Variants in CD2AP observed in about 807,000 individuals in gnomAD.
CD2AP encodes CD2-associated protein.
Under a neutral mutation model 85.1 loss-of-function variants are expected in CD2AP, and 46 were observed. The ratio of observed to expected loss-of-function variants is 0.54; its 90% confidence interval spans 0.43 to 0.69. The LOEUF (loss-of-function observed/expected upper bound fraction) is 0.69. Ranked by LOEUF, CD2AP falls within the 30% of genes least tolerant of loss-of-function variation. The probability of loss-of-function intolerance (pLI) is 0.00; values close to 1 mark genes in which losing one functional copy is unlikely to be tolerated. For missense variants in CD2AP, 769 were observed against 729.5 expected, an observed-to-expected ratio of 1.05 and a Z score of -0.62; for synonymous variants, 255 against 252.9, an observed-to-expected ratio of 1.01 and a Z score of -0.08.
rs537449478 is a variant in CD2AP, at chr6:47,587,793, G to C, written c.1108+5728G>C. Reference sequence around the variant, plus strand: ...ACTAAAATGGTAACTTTTATCTTATGTCCTCCTCACTTCCTATACACACAT... The same window carrying C: ...ACTAAAATGGTAACTTTTATCTTATCTCCTCCTCACTTCCTATACACACAT... On this transcript the variant is annotated intron_variant, in intron 11 of 17. Coordinates refer to ENST00000359314, the MANE Select transcript of CD2AP (RefSeq NM_012120.3). Among the ~76,000 whole-genome samples the C allele has an allele frequency of 8.5e-5, 13 of 152,188 alleles. No homozygotes were observed. The South Asian group carries it at 2.7e-3, about 32-fold the overall frequency.
chr6:47,603,450 G>A lies in CD2AP; in HGVS notation c.1418-2715G>A, dbSNP rs148296902. Among the ~76,000 whole-genome samples, 69 of 151,942 alleles carry A rather than the reference G, an allele frequency of 4.5e-4. No individual in the cohort carries two copies. The East Asian group carries it at 0.013, about 29-fold the overall frequency. On this transcript the variant is annotated intron_variant, in intron 13 of 17. Coordinates refer to ENST00000359314, the MANE Select transcript of CD2AP (RefSeq NM_012120.3). Reference sequence around the variant, plus strand: ...TGTCAACATGCTGATTTATTACTCTGGCCTCTTAAAGCACCAAGCCATCCT... The same window carrying A: ...TGTCAACATGCTGATTTATTACTCTAGCCTCTTAAAGCACCAAGCCATCCT...
In CD2AP at chr6:47,626,986, G is replaced by A. The variant is rs719856; in HGVS notation, c.*2759G>A. On this transcript the variant is annotated 3_prime_UTR_variant, in exon 18 of 18. Coordinates refer to ENST00000359314, the MANE Select transcript of CD2AP (RefSeq NM_012120.3). Reference sequence around the variant, plus strand: ...CTGACTTGCTTTCAATAACTGTTACGTAATGCAGTTGATGTTGTAACCTAA... The same window carrying A: ...CTGACTTGCTTTCAATAACTGTTACATAATGCAGTTGATGTTGTAACCTAA... The A allele has an allele frequency of 0.25, 38,153 of 151,980 alleles. 5,505 individuals carry two copies. The highest frequency in any genetic ancestry group is 0.6 in the East Asian group (3,107 of 5,166). The allele number at this position is 151,980 out of a possible 1,614,324, so 9.4% of individuals were successfully genotyped here. A position where few individuals can be genotyped will look rare whatever the true frequency, so the allele number is the denominator to read the frequency against.
At chr6:47,601,313 A>G (rs113612045) in intron 13 of CD2AP, among the ~76,000 whole-genome samples, 53 of 152,016 alleles carry the variant, frequency 3.5e-4, no homozygotes, top group African/African-American at 1.1e-3. Flanking sequence ...TTTTCTTTCA[A>G]TAAATAAGGA....
intron 2 of CD2AP, among the ~76,000 whole-genome samples, chr6:47,520,650 C>T (rs1057061848): frequency 2.0e-5 from 3 of 150,664 alleles, no homozygotes; most frequent in South Asian, 2.1e-4. Context: ...GTGATTGGGG[C>T]GCCTTATTAT....
chr6:47,606,629 T>G (rs1769283352), intron 14 of CD2AP, among the ~76,000 whole-genome samples: 1 of 150,022 alleles, frequency 6.7e-6, no homozygotes, highest in South Asian at 2.1e-4. Flanking sequence ...TTTTTTCCCC[T>G]GAAATATTCA....
chr6:47,531,434 C>T (rs907326383), intron 2 of CD2AP, among the ~76,000 whole-genome samples: 10 of 151,584 alleles, frequency 6.6e-5, no homozygotes, highest in Admixed American at 2.0e-4. Flanking sequence ...TGCACTGTTG[C>T]GGGAAACCGA....
chr6:47,617,137 CA>C (rs1769614112), intron 17 of CD2AP, among the ~76,000 whole-genome samples: 1 of 151,874 alleles, frequency 6.6e-6, no homozygotes, highest in African/African-American at 2.4e-5. Context: ...GTTAATTTTT[CA>C]GTTTTTTGTA....
chr6:47,509,870 T>C (rs1360500297), intron 2 of CD2AP, among the ~76,000 whole-genome samples: 1 of 152,204 alleles, frequency 6.6e-6, no homozygotes, highest in East Asian at 1.9e-4. Context: ...AGAAAATTTA[T>C]TGCAGTTATA....
At chr6:47,576,447 T>A (rs1387489970) in intron 6 of CD2AP, 77 bp from the exon 7 acceptor site, 23 of 996,626 alleles carry the variant, frequency 2.3e-5, no homozygotes, top group Non-Finnish European at 3.5e-5. Flanking sequence ...GCTGGGTAAC[T>A]GTAAATGGAA....
At chr6:47,494,779 T>G (rs1191274675) in intron 1 of CD2AP, among the ~76,000 whole-genome samples, 1 of 152,224 alleles carries the variant, frequency 6.6e-6, no homozygotes, top group Non-Finnish European at 1.5e-5. Flanking sequence ...AATTACCATT[T>G]AAGTGTTTGT....
At chr6:47,573,882 A>G (rs1280903752) in intron 5 of CD2AP, among the ~76,000 whole-genome samples, 182 bp from the exon 6 acceptor site, 1 of 152,158 alleles carries the variant, frequency 6.6e-6, no homozygotes, top group Non-Finnish European at 1.5e-5. Flanking sequence ...TTTGCACAAT[A>G]AAAAAGTCTG....
intron 13 of CD2AP, among the ~76,000 whole-genome samples, chr6:47,603,695 G>A (rs962422667): frequency 3.3e-5 from 5 of 151,696 alleles, no homozygotes; most frequent in Middle Eastern, 3.4e-3. Flanking sequence ...TTCCTGTTTT[G>A]TAAAATAATT....
At chr6:47,570,830 G>A (rs1228229781) in intron 5 of CD2AP, among the ~76,000 whole-genome samples, 5 of 152,066 alleles carry the variant, frequency 3.3e-5, no homozygotes, top group African/African-American at 1.2e-4. Context: ...ATACTTTACC[G>A]CTATACCATG....
At chr6:47,611,475 G>T (rs573473777) in intron 16 of CD2AP, among the ~76,000 whole-genome samples, 1 of 151,768 alleles carries the variant, frequency 6.6e-6, no homozygotes, top group South Asian at 2.1e-4. Flanking sequence ...AGAGGTTTTC[G>T]CTTTACTCTT....
At chr6:47,521,598 A>T (rs946186063) in intron 2 of CD2AP, among the ~76,000 whole-genome samples, 1 of 152,236 alleles carries the variant, frequency 6.6e-6, no homozygotes, top group East Asian at 1.9e-4. Context: ...TGTTGTTATT[A>T]AGCTAGTGTT....
chr6:47,534,690 T>C (rs1265010406), intron 3 of CD2AP, among the ~76,000 whole-genome samples: 1 of 152,106 alleles, frequency 6.6e-6, no homozygotes, highest in East Asian at 1.9e-4. Flanking sequence ...CAAAAGAAAC[T>C]GTTATTTAAA....
Position 47,609,490 on chromosome 6 carries a change from G to A in CD2AP, c.1814+186G>A, listed in dbSNP as rs534016174. ...CCAGGAGTTCGAGACCAGCCTGGACGACATGACAAAACCCCATCTTTGCAA... is the reference window on the plus strand; with the variant it reads ...CCAGGAGTTCGAGACCAGCCTGGACAACATGACAAAACCCCATCTTTGCAA... On this transcript the variant is annotated intron_variant, in intron 16 of 17. Transcript: ENST00000359314. 2.1e-4 allele frequency: 55 copies of A among 266,572 alleles called. No homozygotes were observed. In the South Asian group the frequency reaches 4.9e-3, roughly 24 times the overall value. The allele number at this position is 266,572 out of a possible 1,614,324, so 16.5% of individuals were successfully genotyped here.
intron 11 of CD2AP, among the ~76,000 whole-genome samples, chr6:47,592,448 C>T (rs554240120): frequency 6.6e-5 from 10 of 152,120 alleles, no homozygotes; most frequent in South Asian, 4.1e-4. Flanking sequence ...TTTTTAGATA[C>T]GTGTGATATT....
Position 47,612,483 on chromosome 6 carries a change from G to GA in CD2AP, c.1830dup (p.Leu611ThrfsTer14). 1 of 1,601,442 alleles carries GA rather than the reference G, an allele frequency of 6.2e-7. No homozygotes were observed. Among genetic ancestry groups the GA allele is most frequent in the African/African-American group, 1.3e-5 (1 of 74,748 alleles). Reference sequence around the variant, plus strand: ...GTACTTTGTTTTTAGGAAAGAACTGGAAAAACTGCGAAAAGATTTGGAAGA... The same window carrying GA: ...GTACTTTGTTTTTAGGAAAGAACTGGAAAAAACTGCGAAAAGATTTGGAAGA... On this transcript the variant is annotated frameshift_variant, in exon 17 of 18. Coordinates refer to ENST00000359314, the MANE Select transcript of CD2AP (RefSeq NM_012120.3). LOFTEE classifies it high-confidence loss of function.
Sources: allele counts gnomAD v4.1 joint callset (sites outside exome capture counted in the v4.1 genomes callset), GRCh38; gene constraint gnomAD v4.1.1; transcripts MANE v1.5; gene names NCBI Gene and HGNC (gene_info 2026-07-23, HGNC 2026-07-21).